Variants in TRPC4AP observed in about 807,000 individuals in gnomAD.
TRPC4AP encodes the protein short transient receptor potential channel 4-associated protein.
A neutral mutation model predicts 99.0 loss-of-function variants in TRPC4AP; 45 were observed. The ratio of observed to expected loss-of-function variants is 0.45; its 90% CI spans 0.36 to 0.58. The LOEUF (loss-of-function observed/expected upper bound fraction) is 0.58. TRPC4AP is among the 20% of genes least tolerant of loss of function. TRPC4AP has a pLI of 0.00. For missense variants in TRPC4AP, 879 were observed against 985.3 expected, an observed-to-expected ratio of 0.89 and a Z score of 1.44; for synonymous variants, 408 against 385.8, an observed-to-expected ratio of 1.06 and a Z score of -0.67.
chr20:35,006,597 G>A (rs2082523547), intron 14 of TRPC4AP, 22 bp from the exon 15 acceptor site: 3 of 1,609,540 alleles, frequency 1.9e-6, no homozygotes, highest in East Asian at 2.2e-5. Context: ...GGGACAGGGT[G>A]AAGGTGTCAA....
intron 5 of TRPC4AP, among the ~76,000 whole-genome samples, chr20:35,054,145 GAAATCTTATTTTGA>G (rs940695562): frequency 6.6e-6 from 1 of 150,938 alleles, no homozygotes; most frequent in Non-Finnish European, 1.5e-5. Context: ...CAAGATGTCA[GAAATCTTATTTTGA>G]ATGAGGCAAG....
At chr20:35,018,884 C>T (rs766389503) in intron 9 of TRPC4AP, among the ~76,000 whole-genome samples, 12 of 152,088 alleles carry the variant, frequency 7.9e-5, no homozygotes, top group African/African-American at 1.4e-4. Flanking sequence ...AACCCAAGTC[C>T]CTTGATAGAA....
At chr20:35,061,814 G>A (rs2084015785) in intron 3 of TRPC4AP, among the ~76,000 whole-genome samples, 1 of 152,118 alleles carries the variant, frequency 6.6e-6, no homozygotes, top group African/African-American at 2.4e-5. Context: ...TTTCTTAGAT[G>A]CACACCAATA....
At chr20:35,034,664 T>C (rs986660780) in intron 8 of TRPC4AP, among the ~76,000 whole-genome samples, 1 of 152,148 alleles carries the variant, frequency 6.6e-6, no homozygotes, top group Middle Eastern at 3.2e-3. Flanking sequence ...TAACCAAAGA[T>C]GGGCCAGAGT....
intron 10 of TRPC4AP, among the ~76,000 whole-genome samples, chr20:35,015,461 C>CTTTTTT (rs57896641): frequency 3.2e-5 from 4 of 126,136 alleles, no homozygotes; most frequent in Non-Finnish European, 4.9e-5. Flanking sequence ...CAGGCAGGAA[C>CTTTTTT]TTTTTTTTTT....
chr20:35,020,955 G>C (rs1254555690), intron 9 of TRPC4AP, among the ~76,000 whole-genome samples: 1 of 152,164 alleles, frequency 6.6e-6, no homozygotes, highest in African/African-American at 2.4e-5. Context: ...TCTGCCCTCA[G>C]CACCAACCAA....
In TRPC4AP at chr20:35,002,684, G is replaced by A; in HGVS notation, c.*462C>T. 2 of 171,724 alleles carry A rather than the reference G, an allele frequency of 1.2e-5. No homozygotes were observed. Among genetic ancestry groups the A allele is most frequent in the Non-Finnish European group, 1.2e-5 (1 of 80,376 alleles). 10.6% of individuals were successfully genotyped at this position (171,724 alleles called of 1,614,324 possible). A position where few individuals can be genotyped will look rare whatever the true frequency, so the allele number is the denominator to read the frequency against. On this transcript the variant is annotated 3_prime_UTR_variant, in exon 19 of 19. Transcript: ENST00000252015. ...AGAGGGGCAGGCTTGGGGGAAGGCA[G>A]CATTCTCTGGTACCCACCACCCCTG...
chr20:35,009,089 T>C (rs187763584), intron 12 of TRPC4AP, among the ~76,000 whole-genome samples: 11 of 152,228 alleles, frequency 7.2e-5, no homozygotes, highest in East Asian at 1.9e-4. Flanking sequence ...ACTCTGCCAA[T>C]AGGGTGAGGC....
At chr20:35,047,875 C>CTGA (rs2083596380) in intron 6 of TRPC4AP, among the ~76,000 whole-genome samples, 1 of 152,152 alleles carries the variant, frequency 6.6e-6, no homozygotes, top group African/African-American at 2.4e-5. Flanking sequence ...TGGCAAAATA[C>CTGA]TGATGCCTCA....
chr20:35,036,415 C>T (rs984329096), intron 7 of TRPC4AP, among the ~76,000 whole-genome samples: 1 of 151,960 alleles, frequency 6.6e-6, no homozygotes, highest in African/African-American at 2.4e-5. Flanking sequence ...TTTTTGAATC[C>T]GCAGATTTTT....
At chr20:35,025,811 G>T (rs2083016043) in intron 8 of TRPC4AP, among the ~76,000 whole-genome samples, 1 of 152,150 alleles carries the variant, frequency 6.6e-6, no homozygotes, top group Admixed American at 6.5e-5. Flanking sequence ...TTATCTGGTT[G>T]CTTGTGCTTC....
chr20:35,018,618 A>G (rs956812752), intron 9 of TRPC4AP, among the ~76,000 whole-genome samples: 2 of 151,198 alleles, frequency 1.3e-5, no homozygotes, highest in African/African-American at 4.9e-5. Context: ...AAAAAAAAAA[A>G]AAAAAAAAGA....
chr20:35,016,989 G>A (rs1188058859), intron 9 of TRPC4AP, among the ~76,000 whole-genome samples: 5 of 152,176 alleles, frequency 3.3e-5, no homozygotes, highest in African/African-American at 4.8e-5. Flanking sequence ...AAGAGTGTTT[G>A]GCAGTAGCTC....
intron 8 of TRPC4AP, among the ~76,000 whole-genome samples, chr20:35,033,190 C>T (rs2083241561): frequency 6.6e-6 from 1 of 151,994 alleles, no homozygotes; most frequent in South Asian, 2.1e-4. Flanking sequence ...GACTCCATCT[C>T]AAAAAAGGAC....
chr20:35,086,426 GGCATATGTGTGT>G, intron 1 of TRPC4AP, among the ~76,000 whole-genome samples: 1 of 132,492 alleles, frequency 7.5e-6, no homozygotes, highest in Non-Finnish European at 1.6e-5. Flanking sequence ...TGAAATGAAT[GGCATATGTGTGT>G]GTGTGTGTGT....
intron 7 of TRPC4AP, among the ~76,000 whole-genome samples, chr20:35,041,240 G>A (rs748866280): frequency 5.9e-5 from 9 of 152,190 alleles, no homozygotes; most frequent in African/African-American, 1.2e-4. Flanking sequence ...CTACTGGAGC[G>A]CAATTCAAGA....
At chr20:35,071,350 T>C (rs2084308900) in intron 2 of TRPC4AP, among the ~76,000 whole-genome samples, 1 of 152,124 alleles carries the variant, frequency 6.6e-6, no homozygotes, top group Admixed American at 6.5e-5. Flanking sequence ...GTTACATATG[T>C]ATACATGTGC....
chr20:35,088,404 G>C (rs1341100016), intron 1 of TRPC4AP, among the ~76,000 whole-genome samples: 1 of 152,180 alleles, frequency 6.6e-6, no homozygotes, highest in Non-Finnish European at 1.5e-5. Flanking sequence ...ACAGAAATTA[G>C]ACTGAGGACA....
intron 7 of TRPC4AP, among the ~76,000 whole-genome samples, 163 bp downstream of exon 7, chr20:35,044,342 C>T (rs997491007): frequency 7.0e-6 from 1 of 143,730 alleles, no homozygotes; most frequent in Non-Finnish European, 1.5e-5. Context: ...CAGTGAGCCA[C>T]GATTGTGCCA....
Sources: allele counts gnomAD v4.1 joint callset (sites outside exome capture counted in the v4.1 genomes callset), GRCh38; gene constraint gnomAD v4.1.1; transcripts MANE v1.5; gene names NCBI Gene and HGNC (gene_info 2026-07-23, HGNC 2026-07-21).